Variants in RUNX2 observed in about 807,000 individuals in gnomAD.
RUNX2 encodes runt-related transcription factor 2.
A neutral mutation model predicts 51.7 loss-of-function variants in RUNX2; 10 were observed. That is an observed-to-expected ratio of 0.19 (90% CI 0.12 to 0.33). RUNX2 has a LOEUF of 0.33. Among genes scored for constraint, RUNX2 ranks in the 10% least tolerant of loss-of-function variants. RUNX2 has a pLI of 1.00. For missense variants in RUNX2, 562 were observed against 691.3 expected (o/e 0.81, Z 2.10); for synonymous variants, 276 against 273.6 (o/e 1.01, Z -0.09).
Position 45,547,405 on chromosome 6 carries a change from C to A in RUNX2, c.*100C>A. The stretch of plus-strand genomic sequence containing the variant: ...GTGCATATATATGTATATCGATTAG[C>A]TATCTACAAAGTGCCTATTTTTTAG... On this transcript the variant is annotated 3_prime_UTR_variant, in exon 9 of 9. Transcript: ENST00000647337. 2.0e-6 allele frequency: 2 copies of A among 1,015,006 alleles called. No homozygotes were observed. Among genetic ancestry groups the A allele is most frequent in the Non-Finnish European group, 3.1e-6 (2 of 649,786 alleles). The allele number at this position is 1,015,006 out of a possible 1,614,324, so 62.9% of individuals were successfully genotyped here. A position where few individuals can be genotyped will look rare whatever the true frequency, so the allele number is the denominator to read the frequency against.
chr6:45,345,633 T>C (rs1354919712), intron 2 of RUNX2, among the ~76,000 whole-genome samples: 1 of 152,160 alleles, frequency 6.6e-6, no homozygotes, highest in Non-Finnish European at 1.5e-5. Flanking sequence ...TCACTTACAC[T>C]TGCTTGCTAT....
In RUNX2 at chr6:45,458,185, C is replaced by A. The variant is rs145649265; in HGVS notation, c.685+20134C>A. 2.7e-4 allele frequency among the ~76,000 whole-genome samples: 41 copies of A among 152,170 alleles called. No homozygotes were observed. The East Asian group carries it at 7.2e-3, about 27-fold the overall frequency. On this transcript the variant is annotated intron_variant, in intron 5 of 8. Coordinates refer to ENST00000647337, the MANE Select transcript of RUNX2 (RefSeq NM_001024630.4). The stretch of plus-strand genomic sequence containing the variant: ...GGGATTACAGGTGCCTGCCACCATG[C>A]CTGGCTAATTTTTGTATTTTTAGTA...
chr6:45,427,072 T>C (rs1798403222), intron 3 of RUNX2, among the ~76,000 whole-genome samples: 1 of 152,160 alleles, frequency 6.6e-6, no homozygotes, highest in South Asian at 2.1e-4. Context: ...CACATTTTTG[T>C]GTTATGCCTT....
intron 2 of RUNX2, among the ~76,000 whole-genome samples, chr6:45,390,422 A>G (rs909205312): frequency 3.3e-5 from 5 of 152,260 alleles, no homozygotes. Context: ...TACAGGAAAC[A>G]GATAAATTAT....
intron 6 of RUNX2, 98 bp downstream of exon 6, chr6:45,492,212 G>C: frequency 2.7e-6 from 3 of 1,129,664 alleles, no homozygotes; most frequent in Non-Finnish European, 4.0e-6. Flanking sequence ...TCCTGGAGCT[G>C]TGAAGCGGCT....
chr6:45,534,364 A>G (rs1212291280), intron 7 of RUNX2, among the ~76,000 whole-genome samples: 1 of 152,188 alleles, frequency 6.6e-6, no homozygotes, highest in Non-Finnish European at 1.5e-5. Flanking sequence ...TTCCTTATCA[A>G]TGGGTGCCTA....
intron 6 of RUNX2, among the ~76,000 whole-genome samples, chr6:45,503,968 A>G: frequency 6.6e-6 from 1 of 152,118 alleles, no homozygotes; most frequent in Non-Finnish European, 1.5e-5. Context: ...TTGTGTTGTA[A>G]TATAACCTAT....
intron 3 of RUNX2, among the ~76,000 whole-genome samples, chr6:45,429,552 A>T (rs553591501): frequency 1.1e-4 from 17 of 152,182 alleles, no homozygotes; most frequent in Non-Finnish European, 2.9e-5. Flanking sequence ...AAGGGATTTT[A>T]CTTTTGATCC....
At chr6:45,417,702 C>T (rs7768466) in intron 2 of RUNX2, among the ~76,000 whole-genome samples, 12,174 of 152,196 alleles carry the variant, frequency 0.08, 712 homozygotes, top group South Asian at 0.18. Flanking sequence ...CACAACTACC[C>T]AATTCTTCTG....
chr6:45,421,155 A>G (rs541678267), intron 2 of RUNX2: 6 of 152,296 alleles, frequency 3.9e-5, no homozygotes, highest in Admixed American at 2.0e-4. Context: ...TTAGTCTTAG[A>G]TGTAGAATAG....
intron 2 of RUNX2, among the ~76,000 whole-genome samples, chr6:45,371,383 G>A (rs985123668): frequency 1.3e-5 from 2 of 148,582 alleles, no homozygotes; most frequent in African/African-American, 5.0e-5. Flanking sequence ...TACTTCACCA[G>A]TATTAGCTCA....
intron 7 of RUNX2, among the ~76,000 whole-genome samples, chr6:45,520,723 T>C (rs1261389309): frequency 6.6e-6 from 1 of 152,140 alleles, no homozygotes; most frequent in African/African-American, 2.4e-5. Context: ...TGTGTACATA[T>C]CTTTCTTTTT....
chr6:45,526,452 T>G (rs1471710400), intron 7 of RUNX2, among the ~76,000 whole-genome samples: 1 of 152,188 alleles, frequency 6.6e-6, no homozygotes, highest in African/African-American at 2.4e-5. Context: ...ACAGACGAAT[T>G]CTGTTAATAA....
chr6:45,329,426 G>A (rs151007996), intron 2 of RUNX2, among the ~76,000 whole-genome samples: 100 of 151,974 alleles, frequency 6.6e-4, no homozygotes, highest in Non-Finnish European at 1.3e-4. Flanking sequence ...ATTTTTAAAA[G>A]ATCTTTATAG....
At chr6:45,458,398 A>C (rs967056723) in intron 5 of RUNX2, among the ~76,000 whole-genome samples, 14 of 152,326 alleles carry the variant, frequency 9.2e-5, no homozygotes, top group African/African-American at 3.1e-4. Context: ...AGCATCTTAC[A>C]TTCTTGATGA....
At chr6:45,353,476 T>C (rs1233297805) in intron 2 of RUNX2, among the ~76,000 whole-genome samples, 1 of 152,002 alleles carries the variant, frequency 6.6e-6, no homozygotes, top group Non-Finnish European at 1.5e-5. Context: ...AGCAGAAAAG[T>C]TTAAAATAAT....
chr6:45,470,481 TA>T (rs1799765125), intron 5 of RUNX2, among the ~76,000 whole-genome samples: 1 of 152,188 alleles, frequency 6.6e-6, no homozygotes, highest in South Asian at 2.1e-4. Flanking sequence ...ACTGGGAAGT[TA>T]AGCATCTGCC....
At chr6:45,538,710 C>T (rs940759022) in intron 7 of RUNX2, among the ~76,000 whole-genome samples, 7 of 151,414 alleles carry the variant, frequency 4.6e-5, no homozygotes, top group Non-Finnish European at 7.4e-5. Flanking sequence ...GCAACCACAT[C>T]TGAAGCCACT....
Position 45,328,435 on chromosome 6 carries a change from A to G in RUNX2, c.-92A>G, listed in dbSNP as rs1343326254. 1 of 1,453,124 alleles carries G rather than the reference A, an allele frequency of 6.9e-7. No homozygotes were observed. The highest frequency in any genetic ancestry group is 1.4e-5 in the African/African-American group (1 of 70,202). The allele number at this position is 1,453,124 out of a possible 1,614,324, so 90.0% of individuals were successfully genotyped here. On this transcript the variant is annotated 5_prime_UTR_variant, in exon 1 of 9. Transcript: ENST00000647337. Reference sequence around the variant, plus strand: ...AAATGGTTAATCTCCGCAGGTCACTACCAGCCACCGAGACCAACAGAGTCA... The same window carrying G: ...AAATGGTTAATCTCCGCAGGTCACTGCCAGCCACCGAGACCAACAGAGTCA...
Sources: gnomAD v4.1 joint callset for allele counts (sites outside exome capture counted in the v4.1 genomes callset) on GRCh38, gnomAD v4.1.1 for gene constraint, MANE v1.5 for transcripts, NCBI Gene and HGNC (gene_info 2026-07-23, HGNC 2026-07-21) for gene names.